The following KCNH7 variants were observed in gnomAD, a reference collection of about 807,000 sequenced individuals.
The protein encoded by KCNH7 is potassium voltage-gated channel subfamily H member 7.
A neutral mutation model predicts 120.8 loss-of-function variants in KCNH7; 49 were observed. The observed-to-expected ratio is 0.41, with a 90% CI of 0.32 to 0.51. The LOEUF (loss-of-function observed/expected upper bound fraction) is 0.51, where lower values mean the gene tolerates loss of function less well. KCNH7 is among the 20% of genes least tolerant of loss of function. The pLI is 0.38. For missense variants in KCNH7, 1,097 were observed against 1,446.6 expected, an observed-to-expected ratio of 0.76 and a Z score of 3.92; for synonymous variants, 547 against 516.1, an observed-to-expected ratio of 1.06 and a Z score of -0.81.
chr2:162,420,141 C>A (rs1687655395), intron 9 of KCNH7, among the ~76,000 whole-genome samples: 1 of 152,116 alleles, frequency 6.6e-6, no homozygotes, highest in Admixed American at 6.6e-5. Flanking sequence ...CTTTGGGAGG[C>A]CAAGGCGGCA....
chr2:162,537,517 GC>G, intron 2 of KCNH7, among the ~76,000 whole-genome samples: 1 of 152,036 alleles, frequency 6.6e-6, no homozygotes, highest in East Asian at 1.9e-4. Flanking sequence ...CAACTTATGT[GC>G]TTTTTCTCTT....
chr2:162,569,254 T>C (rs1272858998), intron 2 of KCNH7, among the ~76,000 whole-genome samples: 1 of 151,984 alleles, frequency 6.6e-6, no homozygotes, highest in Non-Finnish European at 1.5e-5. Flanking sequence ...TGGTTTAGTC[T>C]TGGGAGAGTG....
chr2:162,643,495 T>A (rs1684237428), intron 2 of KCNH7, among the ~76,000 whole-genome samples: 2 of 152,048 alleles, frequency 1.3e-5, no homozygotes, highest in South Asian at 4.1e-4. Flanking sequence ...AAAAGTAAAG[T>A]GGATTTAATT....
At chr2:162,769,322 CT>C (rs1682949529) in intron 2 of KCNH7, among the ~76,000 whole-genome samples, 1 of 152,086 alleles carries the variant, frequency 6.6e-6, no homozygotes, top group Admixed American at 6.6e-5. Context: ...GAAAAAATAC[CT>C]CTTCAAAATG....
chr2:162,571,866 C>T (rs1294585502), intron 2 of KCNH7, among the ~76,000 whole-genome samples: 1 of 151,546 alleles, frequency 6.6e-6, no homozygotes, highest in Non-Finnish European at 1.5e-5. Flanking sequence ...AAACTGGATC[C>T]CTTCCTTACA....
At chr2:162,610,797 G>A (rs1000283062) in intron 2 of KCNH7, among the ~76,000 whole-genome samples, 12 of 152,060 alleles carry the variant, frequency 7.9e-5, no homozygotes, top group Non-Finnish European at 4.4e-5. Flanking sequence ...CTTTCCCCAC[G>A]GTAGGGAGAG....
intron 2 of KCNH7, among the ~76,000 whole-genome samples, chr2:162,608,930 C>T (rs1213033401): frequency 1.3e-5 from 2 of 152,178 alleles, no homozygotes; most frequent in African/African-American, 4.8e-5. Flanking sequence ...GTTTCACCAA[C>T]TTCTGGACCA....
intron 2 of KCNH7, among the ~76,000 whole-genome samples, chr2:162,819,468 C>G (rs576691580): frequency 6.6e-6 from 1 of 152,060 alleles, no homozygotes; most frequent in African/African-American, 2.4e-5. Flanking sequence ...TGAATCTACT[C>G]GAAGGTTATA....
At chr2:162,612,371 A>T (rs1682997669) in intron 2 of KCNH7, among the ~76,000 whole-genome samples, 2 of 152,142 alleles carry the variant, frequency 1.3e-5, no homozygotes, top group Admixed American at 6.5e-5. Context: ...AAGTAAACTC[A>T]TCTATCTTGA....
intron 2 of KCNH7, among the ~76,000 whole-genome samples, chr2:162,741,875 T>C (rs940888473): frequency 9.2e-5 from 14 of 152,198 alleles, no homozygotes; most frequent in African/African-American, 3.4e-4. Context: ...TTCTTGAAGT[T>C]AATATAATTT....
intron 3 of KCNH7, among the ~76,000 whole-genome samples, chr2:162,518,437 T>C (rs138464805): frequency 3.3e-4 from 50 of 151,886 alleles, no homozygotes; most frequent in Non-Finnish European, 6.6e-4. Flanking sequence ...TTAGTTTTAA[T>C]AAAATAAAAA....
rs73014138 is a variant in KCNH7, at chr2:162,752,568, G to A, written c.307+83969C>T. Among the ~76,000 whole-genome samples the A allele has an allele frequency of 3.3e-3, 504 of 152,078 alleles. 4 individuals are homozygous for A. Among genetic ancestry groups the A allele is most frequent in the African/African-American group, 0.012 (480 of 41,482 alleles). ...CAGTTTGGCTTGAAAGCCTTCACCA[G>A]AATGGTCAAAGAGGCACACACACGG... On this transcript the variant is annotated intron_variant, in intron 2 of 15. Transcript: ENST00000332142.
intron 6 of KCNH7, among the ~76,000 whole-genome samples, chr2:162,461,426 C>T (rs1266597830): frequency 1.3e-5 from 2 of 152,252 alleles, no homozygotes; most frequent in South Asian, 2.1e-4. Context: ...CCCTATCTTA[C>T]CATAAATACC....
chr2:162,755,144 T>C (rs956673740), intron 2 of KCNH7, among the ~76,000 whole-genome samples: 1 of 152,072 alleles, frequency 6.6e-6, no homozygotes, highest in African/African-American at 2.4e-5. Context: ...ATCTTTTCTA[T>C]ATGGTTGATG....
chr2:162,541,685 G>GT (rs1360664947), intron 2 of KCNH7, among the ~76,000 whole-genome samples: 1 of 152,116 alleles, frequency 6.6e-6, no homozygotes, highest in Non-Finnish European at 1.5e-5. Flanking sequence ...ACTGAGGCCT[G>GT]TAAGAGGCGG....
chr2:162,610,987 A>T (rs112459515), intron 2 of KCNH7, among the ~76,000 whole-genome samples: 20 of 152,332 alleles, frequency 1.3e-4, no homozygotes, highest in African/African-American at 4.3e-4. Flanking sequence ...CCCCGTAGGG[A>T]CACTGAGAAA....
chr2:162,388,455 G>GA (rs1163791211), intron 12 of KCNH7, among the ~76,000 whole-genome samples: 1 of 151,460 alleles, frequency 6.6e-6, no homozygotes, highest in African/African-American at 2.4e-5. Context: ...ATACAAATAT[G>GA]AAAAAAATCA....
chr2:162,725,717 G>A (rs796702174), intron 2 of KCNH7, among the ~76,000 whole-genome samples: 19 of 152,204 alleles, frequency 1.2e-4, no homozygotes, highest in African/African-American at 4.1e-4. Flanking sequence ...TTTGCCCAGA[G>A]GGACATTATG....
intron 2 of KCNH7, among the ~76,000 whole-genome samples, chr2:162,719,115 C>A (rs1336319381): frequency 2.6e-5 from 4 of 152,002 alleles, no homozygotes; most frequent in Non-Finnish European, 5.9e-5. Flanking sequence ...GATAACAGAG[C>A]CTTAGTTCCT....
Sources: gnomAD v4.1 joint callset for allele counts (sites outside exome capture counted in the v4.1 genomes callset) on GRCh38, gnomAD v4.1.1 for gene constraint, MANE v1.5 for transcripts, NCBI Gene and HGNC (gene_info 2026-07-23, HGNC 2026-07-21) for gene names.